CCDC141: variants seen among roughly 807,000 people sequenced by gnomAD.
The protein encoded by CCDC141 is coiled-coil domain containing 141.
CCDC141 carries 168 observed loss-of-function variants against 181.0 expected under a neutral mutation model. That is an observed-to-expected ratio of 0.93 (90% CI 0.82 to 1.05). The LOEUF (loss-of-function observed/expected upper bound fraction) is 1.05. Ranked by LOEUF, CCDC141 falls within the 50% of genes least tolerant of loss-of-function variation. CCDC141 has a pLI of 0.00. For missense variants in CCDC141, 1,902 were observed against 1,788.5 expected (o/e 1.06, Z -1.14); for synonymous variants, 666 against 642.3 (o/e 1.04, Z -0.56).
At chr2:178,826,712 G>C (rs1323294036), downstream of CCDC141, among the ~76,000 whole-genome samples, 1 of 151,950 alleles carries the variant, frequency 6.6e-6, no homozygotes, top group Non-Finnish European at 1.5e-5. Context: ...TGTGAGCTTA[G>C]AGTTTCTTTC....
In CCDC141 at chr2:178,944,923, C is replaced by A. The variant is rs547948095; in HGVS notation, c.781-272G>T. 1.8e-3 allele frequency among the ~76,000 whole-genome samples: 269 copies of A among 152,110 alleles called. 1 individual carries two copies. Among genetic ancestry groups the A allele is most frequent in the African/African-American group, 6.3e-3 (262 of 41,534 alleles). On this transcript the variant is annotated intron_variant, in intron 5 of 23. Coordinates refer to ENST00000443758, the MANE Select transcript of CCDC141 (RefSeq NM_173648.4). ...CATGAATAAAATGAAAATCTCCTAACAAAGAATCAAAATAGATTCCCAAGC... is the reference window on the plus strand; with the variant it reads ...CATGAATAAAATGAAAATCTCCTAAAAAAGAATCAAAATAGATTCCCAAGC...
At chr2:178,984,452 T>C (rs1691609251) in intron 2 of CCDC141, among the ~76,000 whole-genome samples, 2 of 151,328 alleles carry the variant, frequency 1.3e-5, no homozygotes, top group Admixed American at 6.6e-5. Flanking sequence ...CAGGATCAAA[T>C]TCACACATAA....
chr2:178,887,097 G>A (rs994517527), intron 9 of CCDC141, among the ~76,000 whole-genome samples: 3 of 152,114 alleles, frequency 2.0e-5, no homozygotes, highest in Non-Finnish European at 2.9e-5. Flanking sequence ...GTTTTATGTT[G>A]AAAGATATTT....
Position 179,047,367 on chromosome 2 carries a change from G to A in CCDC141, c.142C>T (p.Pro48Ser). The A allele has an allele frequency of 6.5e-7, 1 of 1,538,092 alleles. No homozygotes were observed. The highest frequency in any genetic ancestry group is 8.7e-7 in the Non-Finnish European group (1 of 1,143,192). Residue 48 changes from proline to serine, a missense_variant, in exon 2 of 24, where the codon CCC becomes TCC. Pro to Ser is a moderately conservative substitution (Grantham distance 74, BLOSUM62 -1). Transcript: ENST00000443758. The stretch of plus-strand genomic sequence containing the variant: ...CTGCTGCCAATTTCTAGAAGATTGG[G>A]CTGTGATTCAGCCAGTTGAAGTTGT... Reference protein sequence around the residue: ...WVQLQLAESQPNLLEIGSSQD... With the variant: ...WVQLQLAESQSNLLEIGSSQD...
intron 4 of CCDC141, among the ~76,000 whole-genome samples, chr2:178,964,750 A>G (rs1690550327): frequency 6.6e-6 from 1 of 152,150 alleles, no homozygotes; most frequent in Non-Finnish European, 1.5e-5. Flanking sequence ...TTACAAAGTG[A>G]TGTGTTTTTC....
chr2:179,037,114 G>T lies in CCDC141; in HGVS notation c.225+10170C>A, dbSNP rs542507325. Among the ~76,000 whole-genome samples, 5 of 152,296 alleles carry T rather than the reference G, an allele frequency of 3.3e-5. No homozygotes were observed. The East Asian group carries it at 9.7e-4, about 29-fold the overall frequency. Reference sequence around the variant, plus strand: ...TGTGTCTGCCAAGTGGGGACATCTGGCCAGGTGAGGAGAAACAGAGAGAGA... The same window carrying T: ...TGTGTCTGCCAAGTGGGGACATCTGTCCAGGTGAGGAGAAACAGAGAGAGA... On this transcript the variant is annotated intron_variant, in intron 2 of 23. Coordinates refer to ENST00000443758, the MANE Select transcript of CCDC141 (RefSeq NM_173648.4).
At chr2:179,047,118 C>T (rs2043522808) in intron 2 of CCDC141, among the ~76,000 whole-genome samples, 166 bp downstream of exon 2, 1 of 152,186 alleles carries the variant, frequency 6.6e-6, no homozygotes, top group South Asian at 2.1e-4. Flanking sequence ...ATTGTTACTT[C>T]TCTCTGATGC....
rs1684206712 is a variant in CCDC141, at chr2:178,830,457, T to C, written c.*3716A>G. On this transcript the variant is annotated 3_prime_UTR_variant, in exon 24 of 24. Coordinates refer to ENST00000443758, the MANE Select transcript of CCDC141 (RefSeq NM_173648.4). ...CTATAAGAAGGGAGAATCATCTTTG[T>C]CTTTTTACATTTCCCCTCTCCTCCC... 2.0e-5 allele frequency: 3 copies of C among 152,218 alleles called. No individual in the cohort carries two copies. Among genetic ancestry groups the C allele is most frequent in the South Asian group, 2.1e-4 (1 of 4,826 alleles). The allele number at this position is 152,218 out of a possible 1,614,324, so 9.4% of individuals were successfully genotyped here. A position where few individuals can be genotyped will look rare whatever the true frequency, so the allele number is the denominator to read the frequency against.
At chr2:178,822,025 A>G in the CCDC141 span, among the ~76,000 whole-genome samples, 1 of 152,198 alleles carries the variant, frequency 6.6e-6, no homozygotes, top group Admixed American at 6.5e-5. Context: ...CATCAATGAT[A>G]GACTGGATTA....
At chr2:178,936,498 G>C (rs1198968143) in intron 6 of CCDC141, among the ~76,000 whole-genome samples, 1 of 152,020 alleles carries the variant, frequency 6.6e-6, no homozygotes, top group Non-Finnish European at 1.5e-5. Flanking sequence ...GGTTACTGTA[G>C]CCCTGTAGTA....
the CCDC141 span, among the ~76,000 whole-genome samples, chr2:178,821,053 C>A: frequency 6.6e-6 from 1 of 152,042 alleles, no homozygotes; most frequent in Non-Finnish European, 1.5e-5. Flanking sequence ...ATGACAAGAT[C>A]TATGCTGACT....
intron 2 of CCDC141, among the ~76,000 whole-genome samples, chr2:179,023,783 G>A (rs1458249592): frequency 6.6e-6 from 1 of 152,186 alleles, no homozygotes; most frequent in Non-Finnish European, 1.5e-5. Context: ...GAGCCTTGGA[G>A]CTGCAGGTGC....
At chr2:178,827,701 G>A (rs145916502), downstream of CCDC141, among the ~76,000 whole-genome samples, 1 of 152,190 alleles carries the variant, frequency 6.6e-6, no homozygotes, top group African/African-American at 2.4e-5. Context: ...AAGGCTGGCT[G>A]GTGTCTAGCA....
intron 2 of CCDC141, among the ~76,000 whole-genome samples, chr2:179,013,478 T>C (rs1001784658): frequency 9.2e-5 from 14 of 152,018 alleles, no homozygotes; most frequent in African/African-American, 3.4e-4. Context: ...CATGAACAAA[T>C]GGACACACAT....
intron 2 of CCDC141, among the ~76,000 whole-genome samples, chr2:178,999,903 T>G (rs946541833): frequency 6.6e-6 from 1 of 152,132 alleles, no homozygotes; most frequent in Non-Finnish European, 1.5e-5. Flanking sequence ...TTAAAGCACT[T>G]TCCACCATCA....
At position 178,854,385 on chromosome 2, in the gene CCDC141, G is replaced by A. The variant is rs182675584; in HGVS notation, c.3061-761C>T. 6.8e-4 allele frequency among the ~76,000 whole-genome samples: 104 copies of A among 152,270 alleles called. 1 individual carries two copies. The highest frequency in any genetic ancestry group is 2.4e-3 in the Admixed American group (36 of 15,298). ...TAAAAGTACAAAAAAGTAGCCGGGC[G>A]TGGTGGTGGGCGCCTGTAGTCCCAG... On this transcript the variant is annotated intron_variant, in intron 19 of 23. Coordinates refer to ENST00000443758, the MANE Select transcript of CCDC141 (RefSeq NM_173648.4).
chr2:178,993,325 G>A (rs181753285), intron 2 of CCDC141, among the ~76,000 whole-genome samples: 180 of 152,296 alleles, frequency 1.2e-3, no homozygotes, highest in African/African-American at 4.0e-3. Context: ...ACAGTTACAC[G>A]TGACTGGGGA....
At position 178,961,317 on chromosome 2, in the gene CCDC141, T is replaced by A; in HGVS notation, c.693A>T (p.Arg231Ser). 7 of 1,550,572 alleles carry A rather than the reference T, an allele frequency of 4.5e-6. No individual in the cohort carries two copies. The highest frequency in any genetic ancestry group is 1.4e-5 in the African/African-American group (1 of 73,156). The change falls in exon 5 of 24, where the codon AGA becomes AGT. Residue 231 changes from arginine (R) to serine (S), a missense_variant. Transcript: ENST00000443758. The part of the protein sequence containing the change: ...DRLLELLQDR[R>S]RQLDKYLKQQ... ...GCTTCAAGTACTTGTCTAGTTGTCTTCTCCTGTCTTGTAGAAGTTCAAGAA... is the reference window on the plus strand; with the variant it reads ...GCTTCAAGTACTTGTCTAGTTGTCTACTCCTGTCTTGTAGAAGTTCAAGAA...
intron 8 of CCDC141, among the ~76,000 whole-genome samples, chr2:178,904,305 C>T (rs954274451): frequency 6.6e-6 from 1 of 152,166 alleles, no homozygotes; most frequent in Non-Finnish European, 1.5e-5. Context: ...CTTAGTTGTG[C>T]ATGTAGCACA....
Sources: allele counts gnomAD v4.1 joint callset (sites outside exome capture counted in the v4.1 genomes callset), GRCh38; gene constraint gnomAD v4.1.1; transcripts MANE v1.5; gene names NCBI Gene and HGNC (gene_info 2026-07-23, HGNC 2026-07-21).